NR4A1: variants seen among roughly 807,000 people sequenced by gnomAD.
The protein encoded by NR4A1 is nuclear receptor subfamily 4 group A member 1.
NR4A1 carries 24 observed loss-of-function variants against 47.5 expected under a neutral mutation model. That is an observed-to-expected ratio of 0.50 (90% CI 0.37 to 0.71). The LOEUF (loss-of-function observed/expected upper bound fraction) is 0.71. Among genes scored for constraint, NR4A1 ranks in the 30% least tolerant of loss-of-function variants. The pLI is 0.00. For synonymous variants in NR4A1, 353 were observed against 345.7 expected (o/e 1.02, Z -0.24); for missense variants, 669 against 788.6 (o/e 0.85, Z 1.82).
At position 52,058,744 on chromosome 12, in the gene NR4A1, A is replaced by G; in HGVS notation, c.1597A>G (p.Ser533Gly). ...GGAGGAGCTGCAGAACCGCATCGCC[A>G]GCTGCCTGAAGGAGCACGTGGCAGC... ...RVEELQNRIA[S>G]CLKEHVAAVA... Residue 533 changes from serine to glycine, a missense_variant, in exon 7 of 7, where the codon AGC becomes GGC. Transcript: ENST00000394825. The G allele has an allele frequency of 6.2e-7, 1 of 1,612,174 alleles. No homozygotes were observed. The highest frequency in any genetic ancestry group is 8.5e-7 in the Non-Finnish European group (1 of 1,179,450).
In NR4A1 at chr12:52,043,850, CCCTT is replaced by C. The variant is rs1329048441; in HGVS notation, c.37+1923_37+1926del. ...AGCCCCCAACCAATCTTGGGATTCTCCCTTCGTGCGGTTGTCTGGGACCTTTTTC... is the reference window on the plus strand; with the variant it reads ...AGCCCCCAACCAATCTTGGGATTCTCCGTGCGGTTGTCTGGGACCTTTTTC... On this transcript the variant is annotated intron_variant, in intron 2 of 7. Coordinates refer to the NR4A1 transcript ENST00000360284. 4 of 1,289,016 alleles carry C rather than the reference CCCTT, an allele frequency of 3.1e-6. No individual in the cohort carries two copies. In the African/African-American group the frequency reaches 6.1e-5, roughly 20 times the overall value. 79.8% of individuals were successfully genotyped at this position (1,289,016 alleles called of 1,614,324 possible).
upstream of NR4A1, chr12:52,051,358 C>T (rs1207180591): frequency 6.1e-6 from 6 of 984,420 alleles, no homozygotes; most frequent in African/African-American, 5.2e-5. Context: ...GGCCAAAGCT[C>T]GACGGGCGGC....
At chr12:52,055,259 C>T (rs1057483870) in intron 2 of NR4A1, 55 bp downstream of exon 2, 2 of 1,596,604 alleles carry the variant, frequency 1.3e-6, no homozygotes, top group Non-Finnish European at 1.7e-6. Flanking sequence ...AGGCTGGCCT[C>T]ATCCCATTGG....
At chr12:52,040,359 G>C (rs1938388318) in intron 1 of NR4A1, among the ~76,000 whole-genome samples, 1 of 152,152 alleles carries the variant, frequency 6.6e-6, no homozygotes, top group Non-Finnish European at 1.5e-5. Flanking sequence ...CACTCAGGTT[G>C]GGCCTGACTA....
At chr12:52,046,525 T>TA (rs1938648090), upstream of NR4A1, among the ~76,000 whole-genome samples, 2 of 152,214 alleles carry the variant, frequency 1.3e-5, no homozygotes, top group South Asian at 4.1e-4. Context: ...CATTCCCTGC[T>TA]AATCATACTT....
At chr12:52,058,564 T>A in intron 6 of NR4A1, 124 bp from the exon 7 acceptor site, 2 of 1,305,698 alleles carry the variant, frequency 1.5e-6, no homozygotes, top group Non-Finnish European at 2.1e-6. Flanking sequence ...GTGAATGCGC[T>A]TTTGTGAAGT....
intron 1 of NR4A1, chr12:52,054,060 T>C: frequency 2.0e-6 from 1 of 495,332 alleles, no homozygotes; most frequent in Non-Finnish European, 3.6e-6. Flanking sequence ...TCCCCTAGGG[T>C]TCCCAGGCTG....
At position 52,057,105 on chromosome 12, in the gene NR4A1, G is replaced by T; in HGVS notation, c.1207G>T (p.Val403Leu). The T allele has an allele frequency of 6.2e-7, 1 of 1,612,662 alleles. No homozygotes were observed. The highest frequency in any genetic ancestry group is 8.5e-7 in the Non-Finnish European group (1 of 1,179,354). The change falls in exon 5 of 7, where the codon GTA becomes TTA. Residue 403 changes from valine (V) to leucine (L), a missense_variant. Transcript: ENST00000394825. ...PHFGKEDAGD[V>L]QQFYDLLSGS... ...CTTTGGGAAGGAAGATGCTGGGGAT[G>T]TACAGCAGTTCTACGACCTGCTCTC...
At chr12:52,027,669 T>A (rs1938026709) in intron 1 of NR4A1, among the ~76,000 whole-genome samples, 2 of 152,100 alleles carry the variant, frequency 1.3e-5, no homozygotes, top group Non-Finnish European at 2.9e-5. Context: ...CAGGTGTCAT[T>A]CCAGGGCTGC....
At position 52,057,103 on chromosome 12, in the gene NR4A1, A is replaced by G; in HGVS notation, c.1205A>G (p.Asp402Gly). 12 of 1,612,464 alleles carry G rather than the reference A, an allele frequency of 7.4e-6. No homozygotes were observed. Among genetic ancestry groups the G allele is most frequent in the Non-Finnish European group, 9.3e-6 (11 of 1,179,286 alleles). The change falls in exon 5 of 7, where the codon GAT becomes GGT. Residue 402 changes from aspartate (D) to glycine (G), a missense_variant. By Grantham distance (94) the Asp-to-Gly change is moderately conservative. Coordinates refer to ENST00000394825, the MANE Select transcript of NR4A1 (RefSeq NM_173157.3). ...CACTTTGGGAAGGAAGATGCTGGGG[A>G]TGTACAGCAGTTCTACGACCTGCTC... ...LPHFGKEDAGDVQQFYDLLSG... is the reference protein window; with the variant it reads ...LPHFGKEDAGGVQQFYDLLSG...
At chr12:52,028,301 A>C (rs1283174) in intron 1 of NR4A1, among the ~76,000 whole-genome samples, 117,142 of 151,726 alleles carry the variant, frequency 0.77, 46,101 homozygotes, top group African/African-American at 0.88. Context: ...AGGGGCCGGG[A>C]GCAGTGGCTC....
Position 52,055,456 on chromosome 12 carries a change from A to C in NR4A1, c.876+252A>C, listed in dbSNP as rs147967240. ...AGGGAGGGGTGAGATAGGGGCAGAT[A>C]GGAGCTGCAGGGGTGCCTGGCGAGC... On this transcript the variant is annotated intron_variant, in intron 2 of 6. Coordinates refer to ENST00000394825, the MANE Select transcript of NR4A1 (RefSeq NM_173157.3). The C allele has an allele frequency of 2.0e-4, 119 of 594,874 alleles. 1 individual carries two copies. The African/African-American group carries it at 2.0e-3, about 10-fold the overall frequency. 36.8% of individuals were successfully genotyped at this position (594,874 alleles called of 1,614,324 possible).
intron 1 of NR4A1, among the ~76,000 whole-genome samples, chr12:52,029,135 A>C (rs1298422224): frequency 6.6e-6 from 1 of 152,194 alleles, no homozygotes; most frequent in Non-Finnish European, 1.5e-5. Flanking sequence ...AGCAGTGGAA[A>C]GTGAGTGAGT....
chr12:52,058,722 G>A lies in NR4A1; in HGVS notation c.1575G>A (p.Glu525=), dbSNP rs752682619. The A allele has an allele frequency of 2.9e-5, 46 of 1,609,002 alleles. No homozygotes were observed. Among genetic ancestry groups the A allele is most frequent in the Non-Finnish European group, 3.8e-5 (45 of 1,178,304 alleles). Residue 525 remains glutamate (E), a synonymous_variant, in exon 7 of 7, where the codon GAG becomes GAA. Transcript: ENST00000394825. ...GGCTGCAGGAGCCGCGGCGGGTGGA[G>A]GAGCTGCAGAACCGCATCGCCAGCT... The part of the protein sequence containing the change: ...RHGLQEPRRV[E]ELQNRIASCL...
chr12:52,056,011 G>T lies in NR4A1; in HGVS notation c.877-19G>T, dbSNP rs377393372. On this transcript the variant is annotated intron_variant, in intron 2 of 6. Transcript: ENST00000394825. ...ACCCCACACTCTGACAGCTTGTTCC[G>T]TGTTGCCCCCCCACCCAGCGCACAG... 2 of 1,099,074 alleles carry T rather than the reference G, an allele frequency of 1.8e-6. No individual in the cohort carries two copies. The highest frequency in any genetic ancestry group is 2.3e-6 in the Non-Finnish European group (2 of 879,972). The allele number at this position is 1,099,074 out of a possible 1,614,324, so 68.1% of individuals were successfully genotyped here. A position where few individuals can be genotyped will look rare whatever the true frequency, so the allele number is the denominator to read the frequency against.
chr12:52,027,417 G>A (rs1405013456), intron 1 of NR4A1, among the ~76,000 whole-genome samples: 3 of 152,206 alleles, frequency 2.0e-5, no homozygotes, highest in Non-Finnish European at 4.4e-5. Flanking sequence ...TTTATGGTTC[G>A]AGTGCCCGCA....
rs1215347440 is a variant in NR4A1, at chr12:52,045,155, C to T, written c.37+3226C>T. 2.0e-5 allele frequency among the ~76,000 whole-genome samples: 3 copies of T among 152,342 alleles called. No individual in the cohort carries two copies. The East Asian group carries it at 5.8e-4, about 29-fold the overall frequency. ...CTCTGGGCACACTCTCTTTTCCTCT[C>T]ACTCAGCCCAGGAGTGGGAGAAGTA... On this transcript the variant is annotated intron_variant, in intron 2 of 7. Transcript: ENST00000360284.
At chr12:52,052,302 TGTGAGAGA>T (rs774618690) in intron 1 of NR4A1, among the ~76,000 whole-genome samples, 38 of 103,780 alleles carry the variant, frequency 3.7e-4, no homozygotes, top group Admixed American at 2.2e-3. Context: ...TGTGTGTGTG[TGTGAGAGA>T]GAGAGAGAGA....
chr12:52,036,552 C>T (rs1313025673), intron 1 of NR4A1, among the ~76,000 whole-genome samples: 1 of 152,218 alleles, frequency 6.6e-6, no homozygotes, highest in Non-Finnish European at 1.5e-5. Context: ...CTAAGTCACA[C>T]AGTGGTATGG....
Sources: gnomAD v4.1 joint callset for allele counts (sites outside exome capture counted in the v4.1 genomes callset) on GRCh38, gnomAD v4.1.1 for gene constraint, MANE v1.5 for transcripts, NCBI Gene and HGNC (gene_info 2026-07-23, HGNC 2026-07-21) for gene names.